The following LY96 variants were observed in gnomAD, a reference collection of about 807,000 sequenced individuals.
LY96 encodes lymphocyte antigen 96.
LY96 carries 18 observed loss-of-function variants against 18.9 expected under a neutral mutation model. The ratio of observed to expected loss-of-function variants is 0.95; its 90% CI spans 0.66 to 1.41. The LOEUF (loss-of-function observed/expected upper bound fraction) is 1.41, where lower values mean the gene tolerates loss of function less well. LY96 is among the 40% of genes most tolerant of loss of function. LY96 has a pLI of 0.00. For synonymous variants in LY96, 66 were observed against 62.6 expected (o/e 1.06, Z -0.26); for missense variants, 175 against 182.4 (o/e 0.96, Z 0.23).
At chr8:74,041,630 G>C in the LY96 span, among the ~76,000 whole-genome samples, 1 of 152,140 alleles carries the variant, frequency 6.6e-6, no homozygotes, top group Non-Finnish European at 1.5e-5. Context: ...GGGAGTGTCT[G>C]TCTTATGCGG....
chr8:74,087,659 T>A, the LY96 span, among the ~76,000 whole-genome samples: 6 of 152,320 alleles, frequency 3.9e-5, no homozygotes, highest in East Asian at 1.2e-3. Flanking sequence ...CTGGACTGCC[T>A]ATCTTCTATT....
the LY96 span, among the ~76,000 whole-genome samples, chr8:74,067,752 A>G: frequency 6.6e-6 from 1 of 152,120 alleles, no homozygotes; most frequent in East Asian, 1.9e-4. Context: ...TGCAACCAAC[A>G]TCACAATCAA....
At chr8:74,041,336 A>G in the LY96 span, among the ~76,000 whole-genome samples, 1 of 152,234 alleles carries the variant, frequency 6.6e-6, no homozygotes, top group African/African-American at 2.4e-5. Flanking sequence ...TAACTGTACA[A>G]ATTGATTGTA....
the LY96 span, among the ~76,000 whole-genome samples, chr8:74,094,876 C>G: frequency 6.6e-6 from 1 of 152,116 alleles, no homozygotes; most frequent in Non-Finnish European, 1.5e-5. Flanking sequence ...CTTATGCATT[C>G]ACATATGGCT....
intron 4 of LY96, among the ~76,000 whole-genome samples, chr8:74,028,258 T>C (rs1243442526): frequency 1.3e-5 from 2 of 152,200 alleles, no homozygotes; most frequent in Non-Finnish European, 2.9e-5. Context: ...TCTTTTGGTA[T>C]TTTTTCTTTC....
rs192457485 is a variant in LY96 at position 74,027,023 on chromosome 8, C to T, written c.384+182C>T. 4.8e-4 allele frequency among the ~76,000 whole-genome samples: 73 copies of T among 151,790 alleles called. No homozygotes were observed. The East Asian group carries it at 0.013, about 26-fold the overall frequency. ...ATCTCTGCTCACTGCAACCTCCACC[C>T]GCCAACCCCCACCCCAAGCAATCCT... is the stretch of plus-strand genomic sequence containing the variant. On this transcript the variant is annotated intron_variant, in intron 4 of 4. Transcript: ENST00000284818.
At chr8:74,000,484 C>T (rs72661869) in intron 1 of LY96, among the ~76,000 whole-genome samples, 37,914 of 151,850 alleles carry the variant, frequency 0.25, 5,045 homozygotes, top group South Asian at 0.3. Flanking sequence ...CTTAAGTAAT[C>T]GCTAGGAATT....
chr8:74,004,235 T>C (rs891573819), intron 1 of LY96, among the ~76,000 whole-genome samples: 1 of 152,228 alleles, frequency 6.6e-6, no homozygotes, highest in African/African-American at 2.4e-5. Flanking sequence ...GGATTAATGA[T>C]GCCTATCTGC....
intron 3 of LY96, among the ~76,000 whole-genome samples, chr8:74,019,635 CA>C (rs1215106565): frequency 6.6e-6 from 1 of 152,132 alleles, no homozygotes; most frequent in Non-Finnish European, 1.5e-5. Flanking sequence ...AATTTTAGAC[CA>C]ATATTCCTAA....
chr8:74,028,525 T>A (rs1816915430), intron 4 of LY96, among the ~76,000 whole-genome samples: 1 of 152,166 alleles, frequency 6.6e-6, no homozygotes. Flanking sequence ...GTTCAAGATT[T>A]TTTTGGGAAC....
At chr8:74,049,638 G>A in the LY96 span, among the ~76,000 whole-genome samples, 2 of 152,208 alleles carry the variant, frequency 1.3e-5, no homozygotes, top group Non-Finnish European at 2.9e-5. Context: ...TTGCTGAGGA[G>A]TGAAATAGAT....
Position 74,002,063 on chromosome 8 carries a change from C to CT in LY96, c.113-2731dup, listed in dbSNP as rs1269598209. 1.2e-3 allele frequency among the ~76,000 whole-genome samples: 45 copies of CT among 37,364 alleles called. 7 individuals are homozygous for CT. Among genetic ancestry groups the CT allele is most frequent in the South Asian group, 3.8e-3 (3 of 786 alleles). The allele number at this position is 37,364 out of a possible 152,430, so 24.5% of individuals were successfully genotyped here. ...CCTTCCTTCCTTCCTTCCTTCCTTC[C>CT]TTCCTTCCTTCCTTTCTTTCTTTCT... On this transcript the variant is annotated intron_variant, in intron 1 of 4. Coordinates refer to ENST00000284818, the MANE Select transcript of LY96 (RefSeq NM_015364.5).
chr8:74,054,617 CTTCTTTCT>C, the LY96 span, among the ~76,000 whole-genome samples: 2,586 of 70,106 alleles, frequency 0.037, 50 homozygotes, highest in African/African-American at 0.049. Flanking sequence ...TTTCCTTTTC[CTTCTTTCT>C]TTCTTTCTTT....
At chr8:74,013,877 A>G (rs1816583498) in intron 3 of LY96, among the ~76,000 whole-genome samples, 1 of 152,064 alleles carries the variant, frequency 6.6e-6, no homozygotes, top group Non-Finnish European at 1.5e-5. Context: ...TGCGCAAAAT[A>G]TTGGCCGGTA....
At chr8:74,080,803 C>G in the LY96 span, among the ~76,000 whole-genome samples, 1 of 152,202 alleles carries the variant, frequency 6.6e-6, no homozygotes, top group Non-Finnish European at 1.5e-5. Context: ...ACCATCAGCT[C>G]TTTGTTGACT....
At chr8:74,036,745 G>C in the LY96 span, among the ~76,000 whole-genome samples, 1 of 152,150 alleles carries the variant, frequency 6.6e-6, no homozygotes. Flanking sequence ...GCAGTGCCAT[G>C]GTCTCAGTGA....
chr8:74,058,347 A>C, the LY96 span, among the ~76,000 whole-genome samples: 1 of 152,142 alleles, frequency 6.6e-6, no homozygotes, highest in Non-Finnish European at 1.5e-5. Context: ...TTCTACCTTA[A>C]ACCTAAACTT....
chr8:74,068,436 T>C, the LY96 span, among the ~76,000 whole-genome samples: 2 of 152,230 alleles, frequency 1.3e-5, no homozygotes, highest in Admixed American at 1.3e-4. Flanking sequence ...TGAATACTCA[T>C]GTACATATCT....
the LY96 span, among the ~76,000 whole-genome samples, chr8:74,045,275 T>C: frequency 6.6e-6 from 1 of 152,158 alleles, no homozygotes; most frequent in African/African-American, 2.4e-5. Flanking sequence ...GTTTCATGCC[T>C]TAACATGACA....
Sources: allele counts gnomAD v4.1 joint callset (sites outside exome capture counted in the v4.1 genomes callset), GRCh38; gene constraint gnomAD v4.1.1; transcripts MANE v1.5; gene names NCBI Gene and HGNC (gene_info 2026-07-23, HGNC 2026-07-21).